Variants in TRERF1 observed in about 807,000 individuals in gnomAD.
TRERF1 encodes the protein transcriptional regulating factor 1, also known as transcriptional-regulating factor 1.
In TRERF1, 27 loss-of-function variants were observed where a neutral mutation model predicts 122.9. The ratio of observed to expected loss-of-function variants is 0.22; its 90% CI spans 0.16 to 0.30. The LOEUF (loss-of-function observed/expected upper bound fraction) is 0.30. TRERF1 is among the 10% of genes least tolerant of loss of function. TRERF1 has a pLI of 1.00. For missense variants in TRERF1, 1,248 were observed against 1,560.3 expected (o/e 0.80, Z 3.37); for synonymous variants, 636 against 641.7 (o/e 0.99, Z 0.13).
intron 4 of TRERF1, among the ~76,000 whole-genome samples, chr6:42,291,051 T>C (rs1420656061): frequency 1.3e-5 from 2 of 152,142 alleles, no homozygotes; most frequent in African/African-American, 4.8e-5. Flanking sequence ...TTCTTGAAAA[T>C]ATTGCAAAAA....
chr6:42,330,672 T>G (rs1317283741), intron 3 of TRERF1, among the ~76,000 whole-genome samples: 1 of 152,180 alleles, frequency 6.6e-6, no homozygotes, highest in Non-Finnish European at 1.5e-5. Context: ...CATTGTTGTA[T>G]TTTTTATTTT....
chr6:42,358,285 C>A (rs1425509308), intron 3 of TRERF1, among the ~76,000 whole-genome samples: 6 of 152,240 alleles, frequency 3.9e-5, no homozygotes, highest in African/African-American at 1.4e-4. Flanking sequence ...ACTAACAATT[C>A]TAAGTTAATG....
chr6:42,412,799 G>A (rs935129535), intron 2 of TRERF1, among the ~76,000 whole-genome samples: 3 of 151,946 alleles, frequency 2.0e-5, no homozygotes, highest in African/African-American at 7.3e-5. Context: ...AAAAAAATTA[G>A]CCAGACATGA....
At chr6:42,315,409 T>C (rs1762304543) in intron 3 of TRERF1, among the ~76,000 whole-genome samples, 1 of 152,200 alleles carries the variant, frequency 6.6e-6, no homozygotes, top group Non-Finnish European at 1.5e-5. Flanking sequence ...AAGGACTTTC[T>C]AATGCCTCGT....
intron 5 of TRERF1, among the ~76,000 whole-genome samples, chr6:42,266,655 T>C (rs1779259768): frequency 6.6e-6 from 1 of 152,162 alleles, no homozygotes; most frequent in Admixed American, 6.5e-5. Flanking sequence ...CAGTTCCCAT[T>C]TGGGGTCACC....
chr6:42,315,495 G>T (rs1013242730), intron 3 of TRERF1, among the ~76,000 whole-genome samples: 4 of 152,174 alleles, frequency 2.6e-5, no homozygotes, highest in Non-Finnish European at 5.9e-5. Flanking sequence ...AGAGAAGGGC[G>T]CTAGGATCGG....
exon 16 of TRERF1, chr6:42,236,367 GTCCTCC>G (rs111816381): frequency 4.5e-6 from 7 of 1,566,096 alleles, no homozygotes; most frequent in East Asian, 4.7e-5. Flanking sequence ...CTTCTTCCGG[GTCCTCC>G]TCCTCCTCCT....
intron 3 of TRERF1, among the ~76,000 whole-genome samples, chr6:42,342,634 GCT>G: frequency 6.6e-6 from 1 of 152,280 alleles, no homozygotes; most frequent in Middle Eastern, 3.4e-3. Flanking sequence ...TCCATACAGT[GCT>G]TAAATCCCTT....
At chr6:42,335,678 T>C (rs35054855) in intron 3 of TRERF1, among the ~76,000 whole-genome samples, 5,311 of 152,226 alleles carry the variant, frequency 0.035, 127 homozygotes, top group Middle Eastern at 0.075. Context: ...TGGGATTCTC[T>C]CTCTTCTGCC....
At chr6:42,368,813 T>A (rs1773236173) in intron 2 of TRERF1, among the ~76,000 whole-genome samples, 3 of 152,208 alleles carry the variant, frequency 2.0e-5, no homozygotes, top group African/African-American at 7.2e-5. Context: ...ACAGGCCTAA[T>A]GAGAATTATG....
intron 2 of TRERF1, among the ~76,000 whole-genome samples, chr6:42,432,289 A>G (rs188068756): frequency 6.6e-6 from 1 of 152,326 alleles, no homozygotes. Flanking sequence ...CATCCAAGAG[A>G]GAAAAGGTCT....
rs144523224 is a variant in TRERF1, at chr6:42,232,664, C to T, written c.3278+17G>A. On this transcript the variant is annotated intron_variant, in intron 17 of 17. Coordinates refer to ENST00000372922, the Ensembl canonical transcript of TRERF1. The surrounding 1 kb of genome is among the most constrained non-coding windows in gnomAD (Gnocchi z 4.5). ...CCATCATGAACTCAGATTCAGTCCC[C>T]GGTCCCCTGCACCTACTTGCCACAC... The T allele has an allele frequency of 3.8e-3, 6,034 of 1,569,750 alleles. 15 individuals carry two copies. Among genetic ancestry groups the T allele is most frequent in the Non-Finnish European group, 4.7e-3 (5,356 of 1,150,068 alleles).
intron 4 of TRERF1, among the ~76,000 whole-genome samples, chr6:42,283,176 C>T (rs1782585469): frequency 6.6e-6 from 1 of 152,148 alleles, no homozygotes; most frequent in Non-Finnish European, 1.5e-5. Context: ...ACCAAAAAAG[C>T]ACACTTGTGT....
chr6:42,408,909 C>T (rs1449811072), intron 2 of TRERF1, among the ~76,000 whole-genome samples: 1 of 152,080 alleles, frequency 6.6e-6, no homozygotes, highest in Non-Finnish European at 1.5e-5. Context: ...ACTTTTTCCA[C>T]ACTGTTATCT....
intron 12 of TRERF1, among the ~76,000 whole-genome samples, chr6:42,256,287 T>C (rs1776733799): frequency 6.6e-6 from 1 of 152,122 alleles, no homozygotes; most frequent in Non-Finnish European, 1.5e-5. Flanking sequence ...AAACACTTTA[T>C]TTTGGTTAGA....
chr6:42,295,325 C>T (rs1784917151), intron 4 of TRERF1, among the ~76,000 whole-genome samples: 1 of 152,170 alleles, frequency 6.6e-6, no homozygotes, highest in South Asian at 2.1e-4. Context: ...AAGCATTAGT[C>T]AGAGAGACAG....
chr6:42,360,771 TAAAAAAAAAAAAA>T (rs55924002), intron 3 of TRERF1, among the ~76,000 whole-genome samples: 8 of 36,450 alleles, frequency 2.2e-4, no homozygotes, highest in East Asian at 1.1e-3. Context: ...GTGGAGAGAT[TAAAAAAAAAAAAA>T]AAAAAAAAAA....
chr6:42,261,132 A>C (rs1229249270), intron 8 of TRERF1, among the ~76,000 whole-genome samples: 3 of 151,936 alleles, frequency 2.0e-5, no homozygotes, highest in Non-Finnish European at 4.4e-5. Context: ...CCTGAGGCTG[A>C]GGCGAGAGAG....
intron 2 of TRERF1, among the ~76,000 whole-genome samples, chr6:42,439,407 A>C (rs1157443017): frequency 6.6e-6 from 1 of 152,060 alleles, no homozygotes; most frequent in African/African-American, 2.4e-5. Flanking sequence ...AATAAATAAG[A>C]CATGGTATAC....
Sources: allele counts gnomAD v4.1 joint callset (sites outside exome capture counted in the v4.1 genomes callset), GRCh38; gene constraint gnomAD v4.1.1; non-coding constraint Gnocchi (gnomAD v3.1); transcripts MANE v1.5; gene names NCBI Gene and HGNC (gene_info 2026-07-23, HGNC 2026-07-21).